VAV3: variants seen among roughly 807,000 people sequenced by gnomAD.
VAV3 encodes vav guanine nucleotide exchange factor 3, also known as guanine nucleotide exchange factor VAV3.
VAV3 carries 94 observed loss-of-function variants against 131.2 expected under a neutral mutation model. The observed-to-expected ratio is 0.72, with a 90% CI of 0.61 to 0.85. VAV3 has a LOEUF of 0.85. Ranked by LOEUF, VAV3 falls within the 40% of genes least tolerant of loss-of-function variation. VAV3 has a pLI of 0.00. For synonymous variants in VAV3, 349 were observed against 342.0 expected (o/e 1.02, Z -0.22); for missense variants, 939 against 1,002.7 (o/e 0.94, Z 0.86).
intron 15 of VAV3, among the ~76,000 whole-genome samples, chr1:107,731,493 A>T (rs1662234409): frequency 6.6e-6 from 1 of 152,216 alleles, no homozygotes; most frequent in Non-Finnish European, 1.5e-5. Flanking sequence ...ATTTCCAGGT[A>T]AGGAAGAGTT....
chr1:107,674,714 A>G (rs147191351), intron 19 of VAV3, among the ~76,000 whole-genome samples: 10 of 152,298 alleles, frequency 6.6e-5, no homozygotes, highest in East Asian at 1.9e-4. Context: ...AAAAACCCCA[A>G]TGATCCTTGC....
At chr1:107,935,937 G>C (rs1278979246) in intron 1 of VAV3, among the ~76,000 whole-genome samples, 2 of 152,174 alleles carry the variant, frequency 1.3e-5, no homozygotes, top group African/African-American at 4.8e-5. Context: ...AGACATCAAA[G>C]AGGTGAAAAT....
At chr1:107,931,157 AAT>A (rs1673420125) in intron 1 of VAV3, among the ~76,000 whole-genome samples, 1 of 152,158 alleles carries the variant, frequency 6.6e-6, no homozygotes, top group Admixed American at 6.5e-5. Context: ...ATTTTGAGAC[AAT>A]CTAAGAAATC....
chr1:107,794,750 TTA>T (rs1343617213), intron 2 of VAV3, among the ~76,000 whole-genome samples: 2 of 152,214 alleles, frequency 1.3e-5, no homozygotes, highest in African/African-American at 4.8e-5. Flanking sequence ...TTTTCAGTCA[TTA>T]GCTCCTCTGA....
intron 19 of VAV3, among the ~76,000 whole-genome samples, chr1:107,650,534 TTTTTA>T (rs1656079459): frequency 6.6e-6 from 1 of 150,622 alleles, no homozygotes; most frequent in South Asian, 2.1e-4. Context: ...TTTTTTTAAA[TTTTTA>T]TTTTATTATT....
chr1:107,580,810 T>G (rs60237207), intron 25 of VAV3, among the ~76,000 whole-genome samples: 54,005 of 152,036 alleles, frequency 0.36, 9,969 homozygotes, highest in Middle Eastern at 0.43. Context: ...AAAAATATTT[T>G]TAGAATGATT....
At chr1:107,659,203 G>A (rs1254148581) in intron 19 of VAV3, among the ~76,000 whole-genome samples, 1 of 152,022 alleles carries the variant, frequency 6.6e-6, no homozygotes, top group African/African-American at 2.4e-5. Flanking sequence ...TTATTAAATA[G>A]GGAATCCTTT....
At position 107,833,098 on chromosome 1, in the gene VAV3, G is replaced by A. The variant is rs532480640; in HGVS notation, c.321+41803C>T. ...CATTTACATTAAGCTTAGCGAGGAA[G>A]GCATGTCAAAAGCTGAGGCAAGTCA... On this transcript the variant is annotated intron_variant, in intron 2 of 26. Transcript: ENST00000370056. Among the ~76,000 whole-genome samples, 3 of 152,182 alleles carry A rather than the reference G, an allele frequency of 2.0e-5. No individual in the cohort carries two copies. The East Asian group carries it at 5.8e-4, about 29-fold the overall frequency.
rs531123034 is a variant in VAV3 at position 107,942,318 on chromosome 1, A to G, written c.204+22348T>C. 3.5e-3 allele frequency among the ~76,000 whole-genome samples: 528 copies of G among 152,320 alleles called. 3 individuals carry two copies. Among genetic ancestry groups the G allele is most frequent in the African/African-American group, 0.012 (508 of 41,568 alleles). Reference sequence around the variant, plus strand: ...TGAGATCCCACAGCGAGAAGACAGCAGTTGCATTTCAACCTCTACTAGCAG... The same window carrying G: ...TGAGATCCCACAGCGAGAAGACAGCGGTTGCATTTCAACCTCTACTAGCAG... On this transcript the variant is annotated intron_variant, in intron 1 of 26. Transcript: ENST00000370056.
Position 107,916,013 on chromosome 1 carries a change from T to C in VAV3, c.205-40996A>G, listed in dbSNP as rs534039496. On this transcript the variant is annotated intron_variant, in intron 1 of 26. Coordinates refer to ENST00000370056, the MANE Select transcript of VAV3 (RefSeq NM_006113.5). ...AATGAGGGGAGCATTTAACTCAGCG[T>C]AGAAGTTCAGAGAAGGCCTTCAAGC... 3.3e-5 allele frequency among the ~76,000 whole-genome samples: 5 copies of C among 152,176 alleles called. No homozygotes were observed. In the South Asian group the frequency reaches 8.3e-4, roughly 25 times the overall value.
In VAV3 at chr1:107,571,703, C is replaced by T. The variant is rs1327651610; in HGVS notation, c.*1628G>A. 1 of 152,592 alleles carries T rather than the reference C, an allele frequency of 6.6e-6. No homozygotes were observed. Among genetic ancestry groups the T allele is most frequent in the Non-Finnish European group, 1.5e-5 (1 of 68,032 alleles). The allele number at this position is 152,592 out of a possible 1,614,324, so 9.5% of individuals were successfully genotyped here. ...TAAAATACATTTTTGTGATCATTTA[C>T]ACATATACAAAGACTTAAATGGTTT... On this transcript the variant is annotated 3_prime_UTR_variant, in exon 27 of 27. Transcript: ENST00000370056.
chr1:107,693,369 T>C (rs1270306710), intron 17 of VAV3, among the ~76,000 whole-genome samples: 1 of 152,206 alleles, frequency 6.6e-6, no homozygotes, highest in Non-Finnish European at 1.5e-5. Flanking sequence ...CAAAATAAAC[T>C]TAACACATCT....
At chr1:107,614,616 C>G (rs1174556920) in intron 21 of VAV3, among the ~76,000 whole-genome samples, 1 of 152,056 alleles carries the variant, frequency 6.6e-6, no homozygotes, top group African/African-American at 2.4e-5. Flanking sequence ...GAACATATTT[C>G]TCCTTCTAGC....
chr1:107,785,450 G>T, intron 2 of VAV3: 2 of 1,328,890 alleles, frequency 1.5e-6, no homozygotes, highest in South Asian at 1.2e-5. Flanking sequence ...GAGGGAAAGG[G>T]TACTTACAGG....
intron 12 of VAV3, 93 bp downstream of exon 12, chr1:107,755,334 C>T (rs1196867967): frequency 1.0e-6 from 1 of 990,614 alleles, no homozygotes; most frequent in African/African-American, 1.6e-5. Context: ...ACAGTAGAAA[C>T]TTGAAGGTAA....
intron 2 of VAV3, among the ~76,000 whole-genome samples, chr1:107,801,196 C>T (rs12135154): frequency 1.5e-3 from 229 of 152,092 alleles, no homozygotes; most frequent in Middle Eastern, 6.8e-3. Context: ...CCATGCCATG[C>T]TGATTTGGTT....
intron 9 of VAV3, among the ~76,000 whole-genome samples, chr1:107,762,418 C>G (rs1032924440): frequency 5.9e-5 from 9 of 152,150 alleles, no homozygotes; most frequent in Admixed American, 4.6e-4. Flanking sequence ...GGGGACACAT[C>G]CTGACATGCT....
At position 107,820,570 on chromosome 1, in the gene VAV3, T is replaced by A. The variant is rs556055682; in HGVS notation, c.322-41078A>T. Among the ~76,000 whole-genome samples, 16 of 152,216 alleles carry A rather than the reference T, an allele frequency of 1.1e-4. No individual in the cohort carries two copies. In the South Asian group the frequency reaches 3.1e-3, roughly 30 times the overall value. Reference sequence around the variant, plus strand: ...TGATAACACAACAGAGTGATTACAGTTACTAAAAATTCATCGTACATTTAA... The same window carrying A: ...TGATAACACAACAGAGTGATTACAGATACTAAAAATTCATCGTACATTTAA... On this transcript the variant is annotated intron_variant, in intron 2 of 26. Transcript: ENST00000370056.
chr1:107,867,415 C>A (rs1418174160), intron 2 of VAV3, among the ~76,000 whole-genome samples: 1 of 152,014 alleles, frequency 6.6e-6, no homozygotes, highest in African/African-American at 2.4e-5. Flanking sequence ...CATTAAATAC[C>A]CCTACAAAAG....
Sources: allele counts gnomAD v4.1 joint callset (sites outside exome capture counted in the v4.1 genomes callset), GRCh38; gene constraint gnomAD v4.1.1; transcripts MANE v1.5; gene names NCBI Gene and HGNC (gene_info 2026-07-23, HGNC 2026-07-21).